CCDC169: variants seen among roughly 807,000 people sequenced by gnomAD.
CCDC169 encodes the protein coiled-coil domain containing 169.
A neutral mutation model predicts 36.0 loss-of-function variants in CCDC169; 30 were observed. That is an observed-to-expected ratio of 0.83 (90% CI 0.62 to 1.13). The LOEUF (loss-of-function observed/expected upper bound fraction) is 1.13. Ranked by LOEUF, CCDC169 falls within the 50% of genes most tolerant of loss-of-function variation. The pLI, the probability that CCDC169 is intolerant of heterozygous loss-of-function variation, is 0.00. For missense variants in CCDC169, 245 were observed against 245.9 expected (o/e 1.00, Z 0.03); for synonymous variants, 85 against 81.5 (o/e 1.04, Z -0.23).
intron 7 of CCDC169, among the ~76,000 whole-genome samples, chr13:36,246,242 G>A (rs974255780): frequency 2.0e-5 from 3 of 152,224 alleles, no homozygotes; most frequent in African/African-American, 7.2e-5. Context: ...AGGAAGGTAT[G>A]TTGAAAGCTG....
intron 4 of CCDC169, among the ~76,000 whole-genome samples, chr13:36,255,946 C>T (rs1299606944): frequency 1.3e-5 from 2 of 152,212 alleles, no homozygotes; most frequent in South Asian, 2.1e-4. Flanking sequence ...AGATGCAGGG[C>T]GCTCAGCACG....
chr13:36,256,990 G>A (rs1188833422), intron 4 of CCDC169, among the ~76,000 whole-genome samples: 2 of 152,170 alleles, frequency 1.3e-5, no homozygotes, highest in African/African-American at 4.8e-5. Context: ...TCTGGCTCCT[G>A]AGGGCTCTGC....
chr13:36,278,634 C>A (rs1877132818), intron 4 of CCDC169, among the ~76,000 whole-genome samples: 1 of 152,130 alleles, frequency 6.6e-6, no homozygotes, highest in African/African-American at 2.4e-5. Flanking sequence ...GTCCCCCCAT[C>A]CTTTCTCAAT....
chr13:36,224,409 GA>G (rs759268264), downstream of CCDC169: 1 of 152,032 alleles, frequency 6.6e-6, no homozygotes, highest in Non-Finnish European at 1.5e-5. Flanking sequence ...AAGGGTCCTG[GA>G]ATTGATAAAC....
intron 7 of CCDC169, among the ~76,000 whole-genome samples, chr13:36,242,248 C>T (rs528406874): frequency 1.3e-5 from 2 of 152,280 alleles, no homozygotes; most frequent in South Asian, 2.1e-4. Context: ...TCCCCTATTC[C>T]TCCACATCCT....
At position 36,297,637 on chromosome 13, in the gene CCDC169, T is replaced by C; in HGVS notation, c.83A>G (p.Lys28Arg). The C allele has an allele frequency of 6.4e-7, 1 of 1,550,534 alleles. No homozygotes were observed. Among genetic ancestry groups the C allele is most frequent in the Admixed American group, 2.0e-5 (1 of 51,004 alleles). ...CACACCGCGCCGCCCGCCGACTCAC[T>C]TCTTGCGGACTTCTTCCAGCAACTG... Reference protein sequence around the residue: ...KQQLLEEVRKKDAVQLSIFEL... With the variant: ...KQQLLEEVRKRDAVQLSIFEL... Residue 28 changes from lysine to arginine, a missense_variant and splice_region_variant, in exon 1 of 8, where the codon AAG becomes AGG. Coordinates refer to ENST00000239859, the MANE Select transcript of CCDC169 (RefSeq NM_001144981.3).
chr13:36,285,618 G>GATACATAC (rs374083543), intron 2 of CCDC169, among the ~76,000 whole-genome samples: 35 of 133,594 alleles, frequency 2.6e-4, no homozygotes, highest in African/African-American at 5.5e-4. Flanking sequence ...TAGATAGATA[G>GATACATAC]ATACATAGAT....
chr13:36,291,899 A>C (rs2060014074), intron 2 of CCDC169, among the ~76,000 whole-genome samples: 1 of 152,202 alleles, frequency 6.6e-6, no homozygotes, highest in Non-Finnish European at 1.5e-5. Flanking sequence ...CTACTAGCCA[A>C]AGGTATTTGG....
rs191764906 is a variant in CCDC169, at chr13:36,295,824, T to C, written c.117A>G (p.Arg39=). 6.5e-7 allele frequency: 1 copy of C among 1,544,780 alleles called. No homozygotes were observed. Among genetic ancestry groups the C allele is most frequent in the African/African-American group, 1.4e-5 (1 of 73,010 alleles). Residue 39 remains arginine, a synonymous_variant, in exon 2 of 8, where the codon AGA becomes AGG. Transcript: ENST00000239859. ...DAVQLSIFEL[R]HKITELEAKL... ...TGGCTTCCAGTTCCGTAATCTTGTG[T>C]CTTAGTTCAAATATTGAGAGTTGCA...
At chr13:36,282,122 AAGTATGTCTGTACAG>A in intron 4 of CCDC169, among the ~76,000 whole-genome samples, 1 of 131,722 alleles carries the variant, frequency 7.6e-6, no homozygotes, top group Non-Finnish European at 1.8e-5. Flanking sequence ...TCAATTTCAT[AAGTATGTCTGTACAG>A]ATTACTCCTA....
chr13:36,288,993 A>G (rs1048047368), intron 2 of CCDC169, among the ~76,000 whole-genome samples: 1 of 152,138 alleles, frequency 6.6e-6, no homozygotes, highest in Non-Finnish European at 1.5e-5. Context: ...AAGTTATGAT[A>G]AGGTTCATAA....
At chr13:36,278,497 A>G (rs775309756) in intron 4 of CCDC169, among the ~76,000 whole-genome samples, 13 of 152,150 alleles carry the variant, frequency 8.5e-5, no homozygotes, top group Non-Finnish European at 1.6e-4. Flanking sequence ...TCGCTTTTGA[A>G]TAATTTGCCT....
rs550445031 is a variant in CCDC169, at chr13:36,250,505, T to C, written c.469-1823A>G. On this transcript the variant is annotated intron_variant, in intron 6 of 7. Transcript: ENST00000239859. Reference sequence around the variant, plus strand: ...GAGTTAGTTAAGACTTTGGTAACTATGCTGTTGACATTATATCTAAAGTAC... The same window carrying C: ...GAGTTAGTTAAGACTTTGGTAACTACGCTGTTGACATTATATCTAAAGTAC... Among the ~76,000 whole-genome samples the C allele has an allele frequency of 8.5e-5, 13 of 152,358 alleles. No homozygotes were observed. The South Asian group carries it at 2.3e-3, about 27-fold the overall frequency.
rs2138376007 is a variant in CCDC169, at chr13:36,231,112, T to G, written c.*81A>C. 6.8e-7 allele frequency: 1 copy of G among 1,479,808 alleles called. No individual in the cohort carries two copies. The highest frequency in any genetic ancestry group is 2.5e-5 in the East Asian group (1 of 40,180). The allele number at this position is 1,479,808 out of a possible 1,614,324, so 91.7% of individuals were successfully genotyped here. A position where few individuals can be genotyped will look rare whatever the true frequency, so the allele number is the denominator to read the frequency against. On this transcript the variant is annotated 3_prime_UTR_variant, in exon 8 of 8. Transcript: ENST00000239859. The stretch of plus-strand genomic sequence containing the variant: ...TTATCTATTTTATTCCCTGAAGAAA[T>G]GTGCTGACCATTAACTTTATAACTT...
In CCDC169 at chr13:36,290,156, T is replaced by C. The variant is rs1878693722; in HGVS notation, c.163+5622A>G. Among the ~76,000 whole-genome samples the C allele has an allele frequency of 2.0e-5, 3 of 152,286 alleles. No individual in the cohort carries two copies. In the South Asian group the frequency reaches 6.2e-4, roughly 32 times the overall value. On this transcript the variant is annotated intron_variant, in intron 2 of 7. Coordinates refer to ENST00000239859, the MANE Select transcript of CCDC169 (RefSeq NM_001144981.3). ...GCCAGTATCTGACAGCAAATCTAAG[T>C]TAACCGAAGCCCCATTTTTAGATCT...
chr13:36,255,533 A>G (rs1384709615), intron 4 of CCDC169, among the ~76,000 whole-genome samples: 1 of 152,056 alleles, frequency 6.6e-6, no homozygotes, highest in East Asian at 1.9e-4. Flanking sequence ...ATGGTGGCGC[A>G]TGCCTGTAAT....
intron 7 of CCDC169, among the ~76,000 whole-genome samples, chr13:36,239,865 C>A (rs2138415327): frequency 6.6e-6 from 1 of 152,148 alleles, no homozygotes; most frequent in African/African-American, 2.4e-5. Context: ...GCCATGGTCC[C>A]AAAATAGGTG....
chr13:36,245,678 G>A (rs9546870), intron 7 of CCDC169, among the ~76,000 whole-genome samples: 61,652 of 151,978 alleles, frequency 0.41, 13,277 homozygotes, highest in Non-Finnish European at 0.48. Flanking sequence ...CGTTTATTTT[G>A]GTGTCCACTC....
intron 2 of CCDC169, among the ~76,000 whole-genome samples, chr13:36,292,441 T>C (rs1021619944): frequency 3.9e-5 from 6 of 152,248 alleles, no homozygotes. Flanking sequence ...ACATTTTCTT[T>C]ACCATTTTCT....
Sources: gnomAD v4.1 joint callset for allele counts (sites outside exome capture counted in the v4.1 genomes callset) on GRCh38, gnomAD v4.1.1 for gene constraint, MANE v1.5 for transcripts, NCBI Gene and HGNC (gene_info 2026-07-23, HGNC 2026-07-21) for gene names.